FAM83B: variants seen among roughly 807,000 people sequenced by gnomAD.
The protein encoded by FAM83B is scaffolding CK1 anchoring protein B, also known as protein FAM83B.
In FAM83B, 26 loss-of-function variants were observed where a neutral mutation model predicts 38.8. The observed-to-expected ratio is 0.67, with a 90% CI of 0.49 to 0.93. The LOEUF is 0.93. Ranked by LOEUF, FAM83B falls within the 40% of genes least tolerant of loss-of-function variation. FAM83B has a pLI of 0.00. For missense variants in FAM83B, 1,237 were observed against 1,197.3 expected, an observed-to-expected ratio of 1.03 and a Z score of -0.49; for synonymous variants, 419 against 423.1, an observed-to-expected ratio of 0.99 and a Z score of 0.12.
intron 2 of FAM83B, among the ~76,000 whole-genome samples, chr6:54,913,256 C>T (rs1411284285): frequency 6.6e-6 from 1 of 152,014 alleles, no homozygotes; most frequent in Non-Finnish European, 1.5e-5. Context: ...TGTGAAACAC[C>T]TCACCAATCT....
At chr6:54,860,490 T>C (rs1196402569) in intron 1 of FAM83B, among the ~76,000 whole-genome samples, 1 of 152,218 alleles carries the variant, frequency 6.6e-6, no homozygotes, top group East Asian at 1.9e-4. Flanking sequence ...AAAAATCTTG[T>C]AAGAGAAGTA....
At position 54,885,038 on chromosome 6, in the gene FAM83B, C is replaced by T. The variant is rs9382393; in HGVS notation, c.444+14348C>T. Among the ~76,000 whole-genome samples the T allele has an allele frequency of 3.4e-3, 515 of 152,240 alleles. 7 individuals are homozygous for T. Among genetic ancestry groups the T allele is most frequent in the East Asian group, 0.032 (164 of 5,174 alleles). On this transcript the variant is annotated intron_variant, in intron 2 of 4. Transcript: ENST00000306858. The stretch of plus-strand genomic sequence containing the variant: ...CTGCCCGCCTCGGCCTCCCAAAGTG[C>T]TGGGATTACAGGCGTGAGCCACTGC...
intron 1 of FAM83B, among the ~76,000 whole-genome samples, chr6:54,866,795 G>C (rs1442807424): frequency 6.6e-6 from 1 of 152,238 alleles, no homozygotes; most frequent in South Asian, 2.1e-4. Context: ...TGCAGTTGCT[G>C]TGTTGTATGT....
Position 54,926,425 on chromosome 6 carries a change from G to A in FAM83B, c.499G>A (p.Val167Ile), listed in dbSNP as rs777425560. 26 of 1,608,510 alleles carry A rather than the reference G, an allele frequency of 1.6e-5. No homozygotes were observed. Among genetic ancestry groups the A allele is most frequent in the East Asian group, 6.7e-5 (3 of 44,794 alleles). ...FTDVDIFKEI[V>I]EASTRGVSVY... ...AGATGTGGACATTTTCAAAGAAATC[G>A]TTGAGGCATCAACTCGAGGAGTATC... Residue 167 changes from valine to isoleucine, a missense_variant, in exon 3 of 5, where the codon GTT (valine) becomes ATT (isoleucine). Coordinates refer to ENST00000306858, the MANE Select transcript of FAM83B (RefSeq NM_001010872.3).
intron 1 of FAM83B, among the ~76,000 whole-genome samples, chr6:54,864,410 TA>T (rs1414114478): frequency 6.6e-6 from 1 of 152,234 alleles, no homozygotes; most frequent in Admixed American, 6.5e-5. Flanking sequence ...ATTCTACTGG[TA>T]ATCCATCTGT....
Position 54,941,098 on chromosome 6 carries a change from C to T in FAM83B, c.2127C>T (p.Ser709=). The part of the protein sequence containing the change: ...PKEDLLKSSK[S]MHNVTHNLEE... ...AAGATTTGCTGAAAAGTTCTAAAAG[C>T]ATGCACAATGTGACTCATAACTTGG... Residue 709 remains serine, a synonymous_variant, in exon 5 of 5, where the codon AGC becomes AGT. Coordinates refer to ENST00000306858, the MANE Select transcript of FAM83B (RefSeq NM_001010872.3). 6.2e-7 allele frequency: 1 copy of T among 1,613,460 alleles called. No individual in the cohort carries two copies. Among genetic ancestry groups the T allele is most frequent in the Non-Finnish European group, 8.5e-7 (1 of 1,179,874 alleles).
chr6:54,896,474 T>C (rs1188131926), intron 2 of FAM83B, among the ~76,000 whole-genome samples: 1 of 152,130 alleles, frequency 6.6e-6, no homozygotes, highest in Admixed American at 6.6e-5. Context: ...TGATCTTCTT[T>C]CCACACCCAC....
chr6:54,891,693 C>G (rs1772406488), intron 2 of FAM83B, among the ~76,000 whole-genome samples: 1 of 152,144 alleles, frequency 6.6e-6, no homozygotes, highest in Non-Finnish European at 1.5e-5. Flanking sequence ...CTCATCCTCT[C>G]TCTCTGTTAA....
intron 2 of FAM83B, among the ~76,000 whole-genome samples, chr6:54,893,201 C>G (rs1772444958): frequency 6.6e-6 from 1 of 152,136 alleles, no homozygotes; most frequent in Non-Finnish European, 1.5e-5. Context: ...TGGTTGTAAG[C>G]CACTAAATGT....
intron 1 of FAM83B, among the ~76,000 whole-genome samples, chr6:54,850,476 G>T (rs71560871): frequency 0.024 from 3,601 of 152,170 alleles, 54 homozygotes; most frequent in Middle Eastern, 0.11. Flanking sequence ...CATTTCAAAA[G>T]GTTTTCGTTC....
At chr6:54,936,943 A>G (rs1773535344) in intron 4 of FAM83B, among the ~76,000 whole-genome samples, 1 of 142,486 alleles carries the variant, frequency 7.0e-6, no homozygotes, top group Non-Finnish European at 1.5e-5. Context: ...TTCCTTCTGT[A>G]TCATGCTTCC....
At position 54,940,574 on chromosome 6, in the gene FAM83B, T is replaced by A; in HGVS notation, c.1603T>A (p.Tyr535Asn). 2 of 1,614,110 alleles carry A rather than the reference T, an allele frequency of 1.2e-6. No homozygotes were observed. Among genetic ancestry groups the A allele is most frequent in the Non-Finnish European group, 1.7e-6 (2 of 1,180,024 alleles). The change falls in exon 5 of 5, where the codon TAT becomes AAT. Residue 535 changes from tyrosine to asparagine, a missense_variant. Physicochemically the swap from Tyr to Asn is moderately radical, Grantham distance 143. Transcript: ENST00000306858. ...TGAGAATTTGAAGGCCAATGCCCTT[T>A]ATACTCATTCTCGGCTTCGTTCCTC... is the stretch of plus-strand genomic sequence containing the variant. ...NPENLKANAL[Y>N]THSRLRSSLV...
At chr6:54,852,069 C>G (rs1209889287) in intron 1 of FAM83B, among the ~76,000 whole-genome samples, 1 of 145,312 alleles carries the variant, frequency 6.9e-6, no homozygotes, top group African/African-American at 2.4e-5. Context: ...GTGTGAGCCA[C>G]TGCGCCTGGC....
intron 2 of FAM83B, among the ~76,000 whole-genome samples, chr6:54,897,564 C>T (rs1772568664): frequency 6.6e-6 from 1 of 152,154 alleles, no homozygotes; most frequent in Non-Finnish European, 1.5e-5. Flanking sequence ...AACGTAGAAA[C>T]CTGACTATTA....
chr6:54,895,914 C>G (rs1772521091), intron 2 of FAM83B, among the ~76,000 whole-genome samples: 1 of 151,918 alleles, frequency 6.6e-6, no homozygotes, highest in Non-Finnish European at 1.5e-5. Context: ...TAGATGGAGT[C>G]TTGCTCTATC....
intron 1 of FAM83B, among the ~76,000 whole-genome samples, chr6:54,856,926 T>C (rs890735558): frequency 2.0e-5 from 3 of 152,194 alleles, no homozygotes; most frequent in Non-Finnish European, 4.4e-5. Flanking sequence ...ATATTATTAA[T>C]ATTTAATATT....
chr6:54,929,785 A>G (rs1468521822), intron 4 of FAM83B, among the ~76,000 whole-genome samples: 1 of 152,102 alleles, frequency 6.6e-6, no homozygotes, highest in African/African-American at 2.4e-5. Flanking sequence ...TTCATGACTA[A>G]TATCTGACAG....
chr6:54,879,974 G>T (rs190135273), intron 2 of FAM83B, among the ~76,000 whole-genome samples: 1 of 152,162 alleles, frequency 6.6e-6, no homozygotes, highest in Non-Finnish European at 1.5e-5. Flanking sequence ...TGAATCTTAA[G>T]GAAAGTCCTT....
At position 54,942,904 on chromosome 6, in the gene FAM83B, CT is replaced by C. The variant is rs552743958; in HGVS notation, c.*908del. On this transcript the variant is annotated 3_prime_UTR_variant, in exon 5 of 5. Coordinates refer to ENST00000306858, the MANE Select transcript of FAM83B (RefSeq NM_001010872.3). ...GGTCTTGCTTGCGAAAATTCTTGCTCTTTTTTTTTTTCTTTTGAGATGGAGT... is the reference window on the plus strand; with the variant it reads ...GGTCTTGCTTGCGAAAATTCTTGCTCTTTTTTTTTTCTTTTGAGATGGAGT... Among the ~76,000 whole-genome samples, 40 of 146,960 alleles carry C rather than the reference CT, an allele frequency of 2.7e-4. No homozygotes were observed. Among genetic ancestry groups the C allele is most frequent in the African/African-American group, 5.2e-4 (21 of 40,044 alleles).
Sources: allele counts gnomAD v4.1 joint callset (sites outside exome capture counted in the v4.1 genomes callset), GRCh38; gene constraint gnomAD v4.1.1; transcripts MANE v1.5; gene names NCBI Gene and HGNC (gene_info 2026-07-23, HGNC 2026-07-21).